Variants in PPP6R2 observed in about 807,000 individuals in gnomAD.
PPP6R2 encodes protein phosphatase 6 regulatory subunit 2, also known as serine/threonine-protein phosphatase 6 regulatory subunit 2.
Under a neutral mutation model 100.2 loss-of-function variants are expected in PPP6R2, and 62 were observed. The observed-to-expected ratio is 0.62, with a 90% CI of 0.50 to 0.76. The LOEUF (loss-of-function observed/expected upper bound fraction) is 0.76. Ranked by LOEUF, PPP6R2 falls within the 30% of genes least tolerant of loss-of-function variation. PPP6R2 has a pLI of 0.00. For missense variants in PPP6R2, 1,142 were observed against 1,276.3 expected (o/e 0.89, Z 1.60); for synonymous variants, 525 against 514.7 (o/e 1.02, Z -0.27).
chr22:50,337,939 T>C, the PPP6R2 span, among the ~76,000 whole-genome samples: 2 of 121,906 alleles, frequency 1.6e-5, no homozygotes, highest in Non-Finnish European at 3.4e-5. Flanking sequence ...GGTGTGTGCA[T>C]GTGTGTGTGA....
At chr22:50,386,768 G>C (rs11091006) in intron 2 of PPP6R2, among the ~76,000 whole-genome samples, 1 of 152,020 alleles carries the variant, frequency 6.6e-6, no homozygotes, top group African/African-American at 2.4e-5. Context: ...ACTTCTACTC[G>C]CAACCCATTT....
At chr22:50,427,669 C>G (rs2062398254) in intron 10 of PPP6R2, among the ~76,000 whole-genome samples, 1 of 152,032 alleles carries the variant, frequency 6.6e-6, no homozygotes, top group Admixed American at 6.6e-5. Context: ...TCTCCTGCCT[C>G]AACCTCATGA....
At chr22:50,361,251 G>A (rs1432375446) in intron 1 of PPP6R2, among the ~76,000 whole-genome samples, 2 of 152,106 alleles carry the variant, frequency 1.3e-5, no homozygotes, top group East Asian at 3.8e-4. Context: ...GTCAGAATCT[G>A]GTTATCATAT....
chr22:50,368,626 C>T (rs1412642209), intron 1 of PPP6R2, among the ~76,000 whole-genome samples: 1 of 152,114 alleles, frequency 6.6e-6, no homozygotes, highest in Non-Finnish European at 1.5e-5. Flanking sequence ...TATACTGGAA[C>T]AGCTCGTGCC....
intron 1 of PPP6R2, among the ~76,000 whole-genome samples, chr22:50,352,381 G>A (rs1437611280): frequency 3.3e-5 from 5 of 152,124 alleles, no homozygotes; most frequent in Non-Finnish European, 5.9e-5. Flanking sequence ...AAAAGAGTGA[G>A]GGCCTTACTG....
intron 2 of PPP6R2, among the ~76,000 whole-genome samples, chr22:50,387,905 G>T (rs2054573076): frequency 6.6e-6 from 1 of 152,232 alleles, no homozygotes; most frequent in Non-Finnish European, 1.5e-5. Flanking sequence ...CACAGGGGAT[G>T]TCGATGCTGC....
At chr22:50,356,138 A>AT (rs1042197967) in intron 1 of PPP6R2, among the ~76,000 whole-genome samples, 3 of 143,064 alleles carry the variant, frequency 2.1e-5, no homozygotes, top group African/African-American at 5.2e-5. Context: ...AATTTTTTCT[A>AT]TTTTTTTAGT....
intron 2 of PPP6R2, among the ~76,000 whole-genome samples, chr22:50,380,973 C>T (rs1415265300): frequency 3.8e-4 from 49 of 127,664 alleles, no homozygotes; most frequent in African/African-American, 1.5e-3. Flanking sequence ...TGGGCGACAG[C>T]GAGACTCCAT....
At chr22:50,443,048 C>G (rs2066088479) in intron 22 of PPP6R2, 1 of 151,940 alleles carries the variant, frequency 6.6e-6, no homozygotes, top group Admixed American at 6.6e-5. Context: ...GCCTGTAGTC[C>G]CAGCTACTTG....
chr22:50,367,148 G>A (rs1311839322), intron 1 of PPP6R2, among the ~76,000 whole-genome samples: 1 of 152,132 alleles, frequency 6.6e-6, no homozygotes, highest in Non-Finnish European at 1.5e-5. Flanking sequence ...TGGTTGAGAT[G>A]TGGGAGCGGA....
chr22:50,398,168 T>G (rs1005489484), intron 3 of PPP6R2, among the ~76,000 whole-genome samples: 3 of 144,612 alleles, frequency 2.1e-5, no homozygotes, highest in Non-Finnish European at 3.1e-5. Context: ...CTCCATCTCT[T>G]TTTTTTTTTT....
At chr22:50,441,144 A>G in intron 22 of PPP6R2, 118 bp downstream of exon 22, 1 of 922,436 alleles carries the variant, frequency 1.1e-6, no homozygotes, top group Non-Finnish European at 1.6e-6. Flanking sequence ...TCTTCTCCAC[A>G]CTGCCTCCCC....
At position 50,444,999 on chromosome 22, in the gene PPP6R2, A is replaced by G. The variant is rs1569506022; in HGVS notation, c.*752A>G. 6.6e-6 allele frequency: 1 copy of G among 152,408 alleles called. No individual in the cohort carries two copies. The highest frequency in any genetic ancestry group is 2.4e-5 in the African/African-American group (1 of 41,388). 9.4% of individuals were successfully genotyped at this position (152,408 alleles called of 1,614,324 possible). A position where few individuals can be genotyped will look rare whatever the true frequency, so the allele number is the denominator to read the frequency against. ...TCGTCCTAGAAGGGTCCAGAAGATT[A>G]TTTTACGTTGAGTCCATTTTTAATG... On this transcript the variant is annotated 3_prime_UTR_variant, in exon 24 of 24. Transcript: ENST00000612753.
Position 50,432,244 on chromosome 22 carries a change from TC to T in PPP6R2, c.1336-16del. On this transcript the variant is annotated intron_variant, in intron 11 of 23. Transcript: ENST00000612753. The stretch of plus-strand genomic sequence containing the variant: ...CGCCTTCAGACCCTGACTCACGCTG[TC>T]CCCCTGCCCCGCCCCCCAGCTGTTC... The T allele has an allele frequency of 6.5e-7, 1 of 1,547,790 alleles. No individual in the cohort carries two copies. The highest frequency in any genetic ancestry group is 1.2e-5 in the South Asian group (1 of 83,988).
At chr22:50,333,107 C>G in the PPP6R2 span, among the ~76,000 whole-genome samples, 4 of 151,982 alleles carry the variant, frequency 2.6e-5, no homozygotes, top group Admixed American at 2.6e-4. Flanking sequence ...CCAGTGCACT[C>G]CAGCCTGGGT....
chr22:50,427,188 C>CA (rs201158855), intron 10 of PPP6R2, among the ~76,000 whole-genome samples: 5,981 of 94,196 alleles, frequency 0.063, 264 homozygotes, highest in East Asian at 0.27. Flanking sequence ...GATTCCATCT[C>CA]AAAAAAAAAA....
chr22:50,431,127 G>A lies in PPP6R2; in HGVS notation c.1126-46G>A. ...CCTCAGCTTTGTGGTGTAGCCGGCA[G>A]GAGAAAACCGATCTAAGAACTGTCT... On this transcript the variant is annotated intron_variant, in intron 10 of 23. Transcript: ENST00000612753. The surrounding 1 kb of genome is among the most constrained non-coding windows in gnomAD (Gnocchi z 4.8). 6.7e-7 allele frequency: 1 copy of A among 1,495,104 alleles called. No individual in the cohort carries two copies. Among genetic ancestry groups the A allele is most frequent in the Non-Finnish European group, 9.3e-7 (1 of 1,078,380 alleles). 92.6% of individuals were successfully genotyped at this position (1,495,104 alleles called of 1,614,324 possible).
At chr22:50,367,387 A>G (rs2048980437) in intron 1 of PPP6R2, among the ~76,000 whole-genome samples, 1 of 152,108 alleles carries the variant, frequency 6.6e-6, no homozygotes, top group South Asian at 2.1e-4. Flanking sequence ...CCTGAGACAG[A>G]ATCTTAGGTG....
chr22:50,440,683 C>T (rs1389140888), intron 21 of PPP6R2, 139 bp from the exon 22 acceptor site: 15 of 960,666 alleles, frequency 1.6e-5, no homozygotes, highest in East Asian at 2.5e-5. Flanking sequence ...CCTCATCATG[C>T]GGCTCCCACA....
Sources: gnomAD v4.1 joint callset for allele counts (sites outside exome capture counted in the v4.1 genomes callset) on GRCh38, gnomAD v4.1.1 for gene constraint, Gnocchi (gnomAD v3.1) non-coding constraint, MANE v1.5 for transcripts, NCBI Gene and HGNC (gene_info 2026-07-23, HGNC 2026-07-21) for gene names.